ALDH1L1: variants seen among roughly 807,000 people sequenced by gnomAD.
ALDH1L1 encodes the protein cytosolic 10-formyltetrahydrofolate dehydrogenase.
In ALDH1L1, 68 loss-of-function variants were observed where a neutral mutation model predicts 101.1. That is an observed-to-expected ratio of 0.67 (90% CI 0.55 to 0.82). The LOEUF is 0.82. Ranked by LOEUF, ALDH1L1 falls within the 40% of genes least tolerant of loss-of-function variation. ALDH1L1 has a pLI of 0.00. For synonymous variants in ALDH1L1, 486 were observed against 470.8 expected, an observed-to-expected ratio of 1.03 and a Z score of -0.42; for missense variants, 1,087 against 1,172.7, an observed-to-expected ratio of 0.93 and a Z score of 1.07.
At chr3:126,189,750 G>C (rs759754851) in intron 1 of ALDH1L1, among the ~76,000 whole-genome samples, 6 of 152,186 alleles carry the variant, frequency 3.9e-5, no homozygotes, top group Non-Finnish European at 7.3e-5. Flanking sequence ...ATTGAGGAGA[G>C]TGGGAGATAC....
chr3:126,109,835 T>C, intron 20 of ALDH1L1, 109 bp downstream of exon 20: 2 of 1,476,894 alleles, frequency 1.4e-6, no homozygotes, highest in Non-Finnish European at 1.8e-6. Flanking sequence ...AGCCTGACTG[T>C]GTAGGTACCT....
chr3:126,114,867 C>T, intron 17 of ALDH1L1: 1 of 617,624 alleles, frequency 1.6e-6, no homozygotes, highest in Non-Finnish European at 3.0e-6. Flanking sequence ...GCCTGTGCCC[C>T]ACTGCCCCCT....
At chr3:126,123,695 G>T (rs942695549) in intron 16 of ALDH1L1, among the ~76,000 whole-genome samples, 3 of 149,780 alleles carry the variant, frequency 2.0e-5, no homozygotes, top group African/African-American at 7.4e-5. Context: ...ATAAAAGCAA[G>T]GGGGAAACTA....
upstream of ALDH1L1, among the ~76,000 whole-genome samples, chr3:126,184,989 C>T (rs1178976438): frequency 1.3e-5 from 2 of 152,152 alleles, no homozygotes; most frequent in African/African-American, 4.8e-5. Flanking sequence ...CACCTGATCC[C>T]CACCCCTTAG....
chr3:126,141,569 A>C (rs1303384578), intron 9 of ALDH1L1, among the ~76,000 whole-genome samples: 1 of 152,128 alleles, frequency 6.6e-6, no homozygotes, highest in Non-Finnish European at 1.5e-5. Context: ...AAAATCCATA[A>C]AGATATGAAA....
chr3:126,187,281 A>C (rs944058070), intron 1 of ALDH1L1, among the ~76,000 whole-genome samples: 7 of 152,138 alleles, frequency 4.6e-5, no homozygotes, highest in Admixed American at 3.3e-4. Context: ...GAAGATGTCC[A>C]AAAGCAGATT....
chr3:126,144,041 CA>C (rs553165390), intron 9 of ALDH1L1, among the ~76,000 whole-genome samples: 1 of 151,964 alleles, frequency 6.6e-6, no homozygotes, highest in South Asian at 2.1e-4. Flanking sequence ...AAATAACATG[CA>C]AAAAAACAGT....
intron 13 of ALDH1L1, 69 bp downstream of exon 13, chr3:126,131,315 C>A: frequency 6.8e-7 from 1 of 1,475,258 alleles, no homozygotes; most frequent in Non-Finnish European, 9.1e-7. Flanking sequence ...ACTGTGCTGC[C>A]CTTGGAGTTC....
At chr3:126,115,235 G>A (rs1455573561) in intron 17 of ALDH1L1, 1 of 385,354 alleles carries the variant, frequency 2.6e-6, no homozygotes, top group Non-Finnish European at 5.3e-6. Flanking sequence ...CAGAGAGGCT[G>A]GGAGTCATGA....
At chr3:126,193,186 T>G (rs1345264882) in intron 1 of ALDH1L1, among the ~76,000 whole-genome samples, 1 of 152,232 alleles carries the variant, frequency 6.6e-6, no homozygotes, top group Non-Finnish European at 1.5e-5. Flanking sequence ...CAGGCCATAT[T>G]TAGTTTGCTT....
At chr3:126,165,962 C>T (rs1048754829) in intron 1 of ALDH1L1, among the ~76,000 whole-genome samples, 1 of 151,514 alleles carries the variant, frequency 6.6e-6, no homozygotes, top group African/African-American at 2.4e-5. Context: ...CTTTGACTGG[C>T]TTTGGGGTTG....
chr3:126,184,115 C>T (rs142629406), upstream of ALDH1L1, among the ~76,000 whole-genome samples: 1 of 152,312 alleles, frequency 6.6e-6, no homozygotes, highest in African/African-American at 2.4e-5. Context: ...TCCATCCTTT[C>T]ATAGACCAGA....
intron 1 of ALDH1L1, among the ~76,000 whole-genome samples, chr3:126,176,862 A>T (rs1438490645): frequency 1.3e-5 from 2 of 152,264 alleles, no homozygotes; most frequent in East Asian, 1.9e-4. Flanking sequence ...AAAACTCAAC[A>T]GTAAAACAAA....
chr3:126,169,848 A>G (rs1279018715), intron 1 of ALDH1L1, among the ~76,000 whole-genome samples: 1 of 152,248 alleles, frequency 6.6e-6, no homozygotes, highest in African/African-American at 2.4e-5. Flanking sequence ...TTTAATAAAA[A>G]TAGGAAACTG....
chr3:126,177,936 G>C (rs1450958332), intron 1 of ALDH1L1, among the ~76,000 whole-genome samples: 1 of 152,156 alleles, frequency 6.6e-6, no homozygotes, highest in African/African-American at 2.4e-5. Flanking sequence ...CCAGCTACTC[G>C]AGAGGCTGAG....
intron 1 of ALDH1L1, among the ~76,000 whole-genome samples, chr3:126,197,464 A>G (rs1374493963): frequency 6.6e-6 from 1 of 152,178 alleles, no homozygotes; most frequent in African/African-American, 2.4e-5. Flanking sequence ...CCCCTGCAAT[A>G]TTACCATTTA....
At chr3:126,143,589 G>C (rs1399671193) in intron 9 of ALDH1L1, among the ~76,000 whole-genome samples, 1 of 152,188 alleles carries the variant, frequency 6.6e-6, no homozygotes, top group Admixed American at 6.5e-5. Flanking sequence ...AGGCAAGAAA[G>C]AAACATTAAT....
chr3:126,115,819 C>G (rs557258560), intron 17 of ALDH1L1, among the ~76,000 whole-genome samples: 1 of 151,814 alleles, frequency 6.6e-6, no homozygotes, highest in South Asian at 2.1e-4. Context: ...AGGTGATCTG[C>G]CCACCTCGGC....
chr3:126,125,066 G>A (rs28567032), intron 15 of ALDH1L1, among the ~76,000 whole-genome samples: 6,745 of 152,166 alleles, frequency 0.044, 453 homozygotes, highest in African/African-American at 0.14. Context: ...GGCTCACTGG[G>A]TATGTCCTCA....
Sources: gnomAD v4.1 joint callset for allele counts (sites outside exome capture counted in the v4.1 genomes callset) on GRCh38, gnomAD v4.1.1 for gene constraint, MANE v1.5 for transcripts, NCBI Gene and HGNC (gene_info 2026-07-23, HGNC 2026-07-21) for gene names.